SGCZ: variants seen among roughly 807,000 people sequenced by gnomAD.
SGCZ encodes the protein sarcoglycan zeta.
SGCZ carries 40 observed loss-of-function variants against 41.3 expected under a neutral mutation model. That is an observed-to-expected ratio of 0.97 (90% CI 0.75 to 1.26). The LOEUF is 1.26. Ranked by LOEUF, SGCZ falls within the 50% of genes most tolerant of loss-of-function variation. SGCZ has a pLI of 0.00. For missense variants in SGCZ, 552 were observed against 369.8 expected (o/e 1.49, Z -4.04); for synonymous variants, 206 against 137.5 (o/e 1.50, Z -3.49).
At chr8:14,271,352 G>C (rs1263412472) in intron 3 of SGCZ, among the ~76,000 whole-genome samples, 1 of 152,054 alleles carries the variant, frequency 6.6e-6, no homozygotes, top group Non-Finnish European at 1.5e-5. Flanking sequence ...TTTTGTTTTT[G>C]ATTGATTCAT....
At position 14,215,256 on chromosome 8, in the gene SGCZ, A is replaced by G. The variant is rs552399843; in HGVS notation, c.424+22336T>C. Among the ~76,000 whole-genome samples the G allele has an allele frequency of 3.9e-5, 6 of 152,324 alleles. No homozygotes were observed. The South Asian group carries it at 8.3e-4, about 21-fold the overall frequency. Reference sequence around the variant, plus strand: ...CTTGAAAACTAAATAATACATTTCTAAACTATCTATAGACAAAGAAGTCTC... The same window carrying G: ...CTTGAAAACTAAATAATACATTTCTGAACTATCTATAGACAAAGAAGTCTC... On this transcript the variant is annotated intron_variant, in intron 4 of 7. Transcript: ENST00000382080.
At chr8:14,236,946 G>A (rs982047213) in intron 4 of SGCZ, among the ~76,000 whole-genome samples, 1 of 151,662 alleles carries the variant, frequency 6.6e-6, no homozygotes, top group Non-Finnish European at 1.5e-5. Context: ...AACACATAAA[G>A]CCTATAAATC....
chr8:14,740,915 A>G (rs902679205), intron 1 of SGCZ, among the ~76,000 whole-genome samples: 1 of 152,046 alleles, frequency 6.6e-6, no homozygotes, highest in African/African-American at 2.4e-5. Context: ...TTAAGATGAC[A>G]TGGATAACTC....
intron 1 of SGCZ, among the ~76,000 whole-genome samples, chr8:15,099,299 A>T (rs989332141): frequency 6.6e-6 from 1 of 152,206 alleles, no homozygotes; most frequent in Admixed American, 6.5e-5. Context: ...AAATTACATC[A>T]GAAATAAACA....
intron 1 of SGCZ, among the ~76,000 whole-genome samples, chr8:15,157,700 G>T (rs980714977): frequency 6.6e-6 from 1 of 152,064 alleles, no homozygotes; most frequent in Admixed American, 6.5e-5. Flanking sequence ...TGCAGACACA[G>T]ACACACTCTT....
At chr8:14,514,418 C>G (rs1025443806) in intron 2 of SGCZ, among the ~76,000 whole-genome samples, 18 of 151,898 alleles carry the variant, frequency 1.2e-4, no homozygotes, top group African/African-American at 4.1e-4. Context: ...AAAACGACAT[C>G]TCTTATAACT....
intron 2 of SGCZ, among the ~76,000 whole-genome samples, chr8:14,344,020 C>T (rs1156460704): frequency 6.6e-6 from 1 of 151,874 alleles, no homozygotes; most frequent in Non-Finnish European, 1.5e-5. Flanking sequence ...GAACTGCAAT[C>T]CACGAAAAAG....
intron 1 of SGCZ, among the ~76,000 whole-genome samples, chr8:14,755,338 T>G (rs978496107): frequency 6.6e-6 from 1 of 152,178 alleles, no homozygotes; most frequent in Non-Finnish European, 1.5e-5. Context: ...TTGTTGTTAT[T>G]GAACACATTA....
chr8:14,259,594 C>T (rs965969848), intron 3 of SGCZ, among the ~76,000 whole-genome samples: 5 of 130,374 alleles, frequency 3.8e-5, no homozygotes, highest in African/African-American at 1.3e-4. Context: ...TTGTTTTTGT[C>T]AGGTTTGTCA....
intron 2 of SGCZ, among the ~76,000 whole-genome samples, chr8:14,324,983 A>G (rs1350880510): frequency 6.6e-6 from 1 of 152,166 alleles, no homozygotes; most frequent in Non-Finnish European, 1.5e-5. Context: ...GATCTCACTA[A>G]TGTATGAGAT....
chr8:14,658,486 G>C (rs931296642), intron 1 of SGCZ, among the ~76,000 whole-genome samples: 17 of 152,056 alleles, frequency 1.1e-4, no homozygotes, highest in Non-Finnish European at 1.3e-4. Flanking sequence ...CAGATGATAA[G>C]ATGCGCAGCC....
intron 5 of SGCZ, among the ~76,000 whole-genome samples, chr8:14,130,334 T>C (rs1006315258): frequency 1.2e-4 from 18 of 148,092 alleles, no homozygotes; most frequent in East Asian, 2.5e-4. Context: ...CTTTTCTCTT[T>C]TATCACTATA....
chr8:14,401,518 G>A (rs145870734), intron 2 of SGCZ, among the ~76,000 whole-genome samples: 3,967 of 142,516 alleles, frequency 0.028, 173 homozygotes, highest in African/African-American at 0.099. Context: ...GTTCCCACCT[G>A]TGAGTGAGAA....
At chr8:14,822,556 T>A (rs1186912402) in intron 1 of SGCZ, among the ~76,000 whole-genome samples, 1 of 152,118 alleles carries the variant, frequency 6.6e-6, no homozygotes, top group Non-Finnish European at 1.5e-5. Flanking sequence ...GCTAAAAATA[T>A]CACACCACTT....
intron 5 of SGCZ, among the ~76,000 whole-genome samples, chr8:14,127,800 G>A (rs1448607902): frequency 1.3e-5 from 2 of 152,068 alleles, no homozygotes; most frequent in African/African-American, 2.4e-5. Context: ...GGAGATACAT[G>A]TGAAGGGTTA....
At chr8:14,938,935 A>C (rs1231587030) in intron 1 of SGCZ, among the ~76,000 whole-genome samples, 1 of 152,078 alleles carries the variant, frequency 6.6e-6, no homozygotes, top group Non-Finnish European at 1.5e-5. Context: ...CAAAGGGCTA[A>C]GGGTACTGCA....
chr8:14,978,675 C>A (rs1801567081), intron 1 of SGCZ, among the ~76,000 whole-genome samples: 1 of 152,050 alleles, frequency 6.6e-6, no homozygotes, highest in African/African-American at 2.4e-5. Context: ...CTTTCCTTTG[C>A]ATTCTATGCT....
chr8:14,698,563 A>G (rs1177154827), intron 1 of SGCZ, among the ~76,000 whole-genome samples: 2 of 151,978 alleles, frequency 1.3e-5, no homozygotes. Context: ...ATGCTTTTCC[A>G]GAAAAATTGT....
chr8:14,586,183 G>A, intron 1 of SGCZ, among the ~76,000 whole-genome samples: 1 of 152,082 alleles, frequency 6.6e-6, no homozygotes, highest in East Asian at 1.9e-4. Context: ...AACGTATGCT[G>A]CATATATAAA....
Sources: allele counts gnomAD v4.1 joint callset (sites outside exome capture counted in the v4.1 genomes callset), GRCh38; gene constraint gnomAD v4.1.1; transcripts MANE v1.5; gene names NCBI Gene and HGNC (gene_info 2026-07-23, HGNC 2026-07-21).